The following DPP10 variants were observed in gnomAD, a reference collection of about 807,000 sequenced individuals.
DPP10 encodes dipeptidyl peptidase like 10, also known as inactive dipeptidyl peptidase 10.
In DPP10, 33 loss-of-function variants were observed where a neutral mutation model predicts 120.9. The observed-to-expected ratio is 0.27, with a 90% confidence interval of 0.21 to 0.37. The LOEUF (loss-of-function observed/expected upper bound fraction) is 0.37. Among genes scored for constraint, DPP10 ranks in the 10% least tolerant of loss-of-function variants. DPP10 has a pLI of 1.00. For synonymous variants in DPP10, 337 were observed against 326.1 expected (o/e 1.03, Z -0.36); for missense variants, 816 against 942.8 (o/e 0.87, Z 1.76).
chr2:115,125,496 T>TTA (rs2050025178), intron 1 of DPP10, among the ~76,000 whole-genome samples: 1 of 151,710 alleles, frequency 6.6e-6, no homozygotes, highest in Non-Finnish European at 1.5e-5. Context: ...TAGAAGCCAA[T>TTA]TATACCATTT....
chr2:115,624,907 A>G (rs1387555900), intron 5 of DPP10, among the ~76,000 whole-genome samples: 1 of 152,188 alleles, frequency 6.6e-6, no homozygotes, highest in Non-Finnish European at 1.5e-5. Flanking sequence ...TAAGGAAAAA[A>G]GTGGAACAGT....
chr2:115,354,472 A>G (rs918693316), intron 3 of DPP10, among the ~76,000 whole-genome samples: 16 of 152,172 alleles, frequency 1.1e-4, no homozygotes, highest in Admixed American at 3.3e-4. Flanking sequence ...TTCTGCATTA[A>G]TTAGCATAGG....
rs1695088621 is a variant in DPP10, at chr2:114,633,343, C to T, written c.60+190505C>T. On this transcript the variant is annotated intron_variant, in intron 1 of 25. Transcript: ENST00000410059. ...CTCGGTTCACTGCAACCTCCACCTC[C>T]CAGATTCAAGTGATTCTCCTGCCTT... 2.0e-5 allele frequency among the ~76,000 whole-genome samples: 3 copies of T among 147,822 alleles called. No individual in the cohort carries two copies. The South Asian group carries it at 6.3e-4, about 31-fold the overall frequency.
rs189197028 is a variant in DPP10, at chr2:115,064,744, T to C, written c.61-244495T>C. 1.5e-5 allele frequency: 19 copies of C among 1,304,116 alleles called. No individual in the cohort carries two copies. The Admixed American group carries it at 2.8e-4, about 19-fold the overall frequency. 80.8% of individuals were successfully genotyped at this position (1,304,116 alleles called of 1,614,324 possible). ...AGGTTGCATTTGTAGAAAGTGGTTA[T>C]AGTCCACTTAGCAATGGTCATCACA... On this transcript the variant is annotated intron_variant, in intron 1 of 25. Coordinates refer to ENST00000410059, the MANE Select transcript of DPP10 (RefSeq NM_020868.6).
chr2:114,874,280 A>G (rs1056202158), intron 1 of DPP10, among the ~76,000 whole-genome samples: 14 of 152,292 alleles, frequency 9.2e-5, no homozygotes, highest in Admixed American at 9.2e-4. Flanking sequence ...GTGCTAGAAG[A>G]GGATCAACTG....
intron 1 of DPP10, among the ~76,000 whole-genome samples, chr2:115,233,551 GC>G (rs149343920): frequency 0.014 from 2,108 of 152,130 alleles, 57 homozygotes; most frequent in African/African-American, 0.047. Context: ...TGTGCTCCTT[GC>G]TTTCCCCCTG....
chr2:114,738,976 G>A (rs1677748250), intron 1 of DPP10, among the ~76,000 whole-genome samples: 1 of 152,132 alleles, frequency 6.6e-6, no homozygotes, highest in South Asian at 2.1e-4. Context: ...GACAGGTATG[G>A]CCTGCAGTTC....
intron 24 of DPP10, among the ~76,000 whole-genome samples, chr2:115,839,728 C>G (rs1689897074): frequency 6.8e-6 from 1 of 147,474 alleles, no homozygotes. Context: ...TCTGAAGATA[C>G]ACAAACTACA....
intron 21 of DPP10, among the ~76,000 whole-genome samples, chr2:115,832,892 G>A (rs968533665): frequency 6.6e-6 from 1 of 152,032 alleles, no homozygotes; most frequent in Admixed American, 6.6e-5. Flanking sequence ...ATACAATTAT[G>A]CAGTAATAAC....
intron 1 of DPP10, among the ~76,000 whole-genome samples, chr2:114,695,000 T>C (rs1420441479): frequency 2.0e-5 from 3 of 151,976 alleles, no homozygotes; most frequent in African/African-American, 7.2e-5. Flanking sequence ...TTAAGAAGGG[T>C]CAGCTCACGG....
chr2:115,238,221 T>G (rs1450319658), intron 1 of DPP10, among the ~76,000 whole-genome samples: 1 of 152,194 alleles, frequency 6.6e-6, no homozygotes, highest in Non-Finnish European at 1.5e-5. Context: ...CCTTAAGAGT[T>G]AGGCTGACTG....
intron 5 of DPP10, among the ~76,000 whole-genome samples, chr2:115,688,124 T>C (rs917432653): frequency 1.8e-4 from 27 of 152,104 alleles, no homozygotes; most frequent in Non-Finnish European, 3.4e-4. Context: ...AAGATTTAAA[T>C]TTGTAGTAAG....
At chr2:115,362,647 T>TA (rs968553218) in intron 3 of DPP10, among the ~76,000 whole-genome samples, 2 of 152,162 alleles carry the variant, frequency 1.3e-5, no homozygotes, top group African/African-American at 4.8e-5. Context: ...ACGAAATTAT[T>TA]AAAAAATAAC....
chr2:114,976,320 A>G (rs1858180), intron 1 of DPP10, among the ~76,000 whole-genome samples: 150,249 of 152,252 alleles, frequency 0.99, 74,164 homozygotes, highest in Non-Finnish European at 1. Flanking sequence ...TTTTTCTATT[A>G]TTTTGTCTGT....
chr2:114,450,377 A>T (rs1451775599), intron 1 of DPP10, among the ~76,000 whole-genome samples: 2 of 151,984 alleles, frequency 1.3e-5, no homozygotes, highest in Non-Finnish European at 2.9e-5. Flanking sequence ...TTGAGTTATA[A>T]TTATTTGTTT....
chr2:115,626,933 A>T (rs1032899962), intron 5 of DPP10, among the ~76,000 whole-genome samples: 1 of 152,144 alleles, frequency 6.6e-6, no homozygotes, highest in African/African-American at 2.4e-5. Context: ...GGGAAACTTA[A>T]ATGGCTGATT....
At chr2:114,800,938 TAAA>T (rs55970532) in intron 1 of DPP10, among the ~76,000 whole-genome samples, 1 of 148,724 alleles carries the variant, frequency 6.7e-6, no homozygotes, top group African/African-American at 2.5e-5. Flanking sequence ...AAATGGGAAT[TAAA>T]AAAAAAAAAA....
chr2:114,554,060 T>C (rs1688093870), intron 1 of DPP10, among the ~76,000 whole-genome samples: 1 of 152,174 alleles, frequency 6.6e-6, no homozygotes, highest in South Asian at 2.1e-4. Flanking sequence ...CAGGAACAAC[T>C]TTTCATAGGA....
In DPP10 at chr2:115,509,780, G is replaced by A. The variant is rs2077130603; in HGVS notation, c.366+10176G>A. ...ATCATATGGTAATTCTGTATTAGCAGTTTGAGGAACTTCTAAGGTGGTTGC... is the reference window on the plus strand; with the variant it reads ...ATCATATGGTAATTCTGTATTAGCAATTTGAGGAACTTCTAAGGTGGTTGC... On this transcript the variant is annotated intron_variant, in intron 4 of 25. Transcript: ENST00000410059. Among the ~76,000 whole-genome samples, 3 of 152,144 alleles carry A rather than the reference G, an allele frequency of 2.0e-5. No individual in the cohort carries two copies. The South Asian group carries it at 6.2e-4, about 31-fold the overall frequency.
Sources: allele counts gnomAD v4.1 joint callset (sites outside exome capture counted in the v4.1 genomes callset), GRCh38; gene constraint gnomAD v4.1.1; transcripts MANE v1.5; gene names NCBI Gene and HGNC (gene_info 2026-07-23, HGNC 2026-07-21).